Variants in RNF17 observed in about 807,000 individuals in gnomAD.
RNF17 encodes spermatogenesis associated 23.
In RNF17, 31 loss-of-function variants were observed where a neutral mutation model predicts 200.5. The ratio of observed to expected loss-of-function variants is 0.15; its 90% CI spans 0.12 to 0.21. The LOEUF (loss-of-function observed/expected upper bound fraction) is 0.21, where lower values mean the gene tolerates loss of function less well. Among genes scored for constraint, RNF17 ranks in the 10% least tolerant of loss-of-function variants. RNF17 has a pLI of 1.00. For missense variants in RNF17, 1,628 were observed against 1,905.1 expected, an observed-to-expected ratio of 0.85 and a Z score of 2.71; for synonymous variants, 606 against 637.8, an observed-to-expected ratio of 0.95 and a Z score of 0.75.
rs921994426 is a variant in RNF17, at chr13:24,853,801, C to T, written c.3321-54C>T. Reference sequence around the variant, plus strand: ...GAATGATTCTTTTTATGTTGTTTTACCCAGAATTTTATATTTGCTTATGTT... The same window carrying T: ...GAATGATTCTTTTTATGTTGTTTTATCCAGAATTTTATATTTGCTTATGTT... On this transcript the variant is annotated intron_variant, in intron 24 of 35. Transcript: ENST00000255324. The T allele has an allele frequency of 1.8e-5, 24 of 1,332,730 alleles. 1 individual carries two copies. The highest frequency in any genetic ancestry group is 2.2e-5 in the Non-Finnish European group (22 of 985,930). The allele number at this position is 1,332,730 out of a possible 1,614,324, so 82.6% of individuals were successfully genotyped here. A position where few individuals can be genotyped will look rare whatever the true frequency, so the allele number is the denominator to read the frequency against.
At chr13:24,883,283 G>C, downstream of RNF17, 2 of 1,613,826 alleles carry the variant, frequency 1.2e-6, no homozygotes, top group Non-Finnish European at 1.7e-6. Context: ...GGTTTTAACA[G>C]TGCCATCTGG....
intron 20 of RNF17, 60 bp from the exon 21 acceptor site, chr13:24,844,590 CAT>C (rs1252463175): frequency 5.3e-6 from 7 of 1,320,252 alleles, no homozygotes; most frequent in South Asian, 2.8e-5. Context: ...TTGTAGGAAA[CAT>C]GTAGCCAGAG....
At chr13:24,887,761 G>A in the RNF17 span, among the ~76,000 whole-genome samples, 1 of 152,168 alleles carries the variant, frequency 6.6e-6, no homozygotes, top group Non-Finnish European at 1.5e-5. Context: ...TGGAAAAATT[G>A]TCTTCCACAA....
At chr13:24,866,606 C>A (rs149673960) in intron 30 of RNF17, among the ~76,000 whole-genome samples, 140 of 152,276 alleles carry the variant, frequency 9.2e-4, no homozygotes, top group Non-Finnish European at 1.6e-3. Flanking sequence ...TATATCAGTG[C>A]TTCACTTCTT....
intron 2 of RNF17, among the ~76,000 whole-genome samples, chr13:24,773,581 T>G (rs1230776154): frequency 1.3e-5 from 2 of 152,106 alleles, no homozygotes; most frequent in East Asian, 3.9e-4. Flanking sequence ...CAGAAGAACT[T>G]TCTGTTGGGT....
At chr13:24,848,911 G>T (rs1226751924) in intron 22 of RNF17, among the ~76,000 whole-genome samples, 2 of 152,144 alleles carry the variant, frequency 1.3e-5, no homozygotes, top group Non-Finnish European at 2.9e-5. Flanking sequence ...TAGCACATAA[G>T]AACTCTCTCT....
intron 9 of RNF17, 146 bp from the exon 10 acceptor site, chr13:24,792,896 A>C (rs1352143931): frequency 1.8e-6 from 1 of 569,026 alleles, no homozygotes; most frequent in Non-Finnish European, 3.0e-6. Flanking sequence ...AGAATGGATA[A>C]ATAACTGGCA....
intron 19 of RNF17, among the ~76,000 whole-genome samples, chr13:24,842,879 C>T (rs144394062): frequency 0.017 from 2,612 of 151,744 alleles, 76 homozygotes; most frequent in African/African-American, 0.06. Flanking sequence ...CCCAGCTACT[C>T]GGGAGGCTGA....
intron 25 of RNF17, among the ~76,000 whole-genome samples, chr13:24,855,108 A>G (rs1892327817): frequency 6.6e-6 from 1 of 152,038 alleles, no homozygotes; most frequent in Non-Finnish European, 1.5e-5. Context: ...TTTTCATCAA[A>G]CTGTTCGAGA....
At chr13:24,876,311 C>CT (rs1288370679) in intron 33 of RNF17, among the ~76,000 whole-genome samples, 1 of 152,170 alleles carries the variant, frequency 6.6e-6, no homozygotes, top group African/African-American at 2.4e-5. Flanking sequence ...TATACTACAT[C>CT]TTATTTATCC....
rs138319594 is a variant in RNF17 at position 24,799,683 on chromosome 13, T to C, written c.1589+99T>C. 5 of 701,030 alleles carry C rather than the reference T, an allele frequency of 7.1e-6. No individual in the cohort carries two copies. In the African/African-American group the frequency reaches 7.2e-5, roughly 10 times the overall value. 43.4% of individuals were successfully genotyped at this position (701,030 alleles called of 1,614,324 possible). On this transcript the variant is annotated intron_variant, in intron 12 of 35. Transcript: ENST00000255324. ...GGAAATTAGAGGTAGAGAGGAGTAA[T>C]TTGTCATTCTTAACTTCCAAGACAT...
chr13:24,759,097 A>AC, the RNF17 span, among the ~76,000 whole-genome samples: 2 of 151,400 alleles, frequency 1.3e-5, no homozygotes, highest in African/African-American at 4.9e-5. Flanking sequence ...AAAAAAAAAA[A>AC]AAAAAACAAC....
rs568606447 is a variant in RNF17, at chr13:24,766,249, A to G, written c.131-1023A>G. On this transcript the variant is annotated intron_variant, in intron 1 of 35. Coordinates refer to ENST00000255324, the MANE Select transcript of RNF17 (RefSeq NM_031277.3). ...ATAAATAAATAAAATTAATGCGATT[A>G]TAATTCAGCAAGAACTCTATAATTA... Among the ~76,000 whole-genome samples, 8 of 152,390 alleles carry G rather than the reference A, an allele frequency of 5.2e-5. No individual in the cohort carries two copies. The South Asian group carries it at 1.7e-3, about 32-fold the overall frequency.
At chr13:24,854,910 C>T (rs908751329) in intron 25 of RNF17, among the ~76,000 whole-genome samples, 3 of 152,170 alleles carry the variant, frequency 2.0e-5, no homozygotes, top group African/African-American at 4.8e-5. Context: ...GAAGCAGCAT[C>T]GCCAGAACCT....
At chr13:24,805,890 TC>T (rs1885789715) in intron 15 of RNF17, among the ~76,000 whole-genome samples, 2 of 152,112 alleles carry the variant, frequency 1.3e-5, no homozygotes, top group Non-Finnish European at 2.9e-5. Context: ...TAAATAACAT[TC>T]TTTTTTTTAT....
intron 3 of RNF17, 90 bp from the exon 4 acceptor site, chr13:24,778,205 T>C: frequency 1.2e-6 from 1 of 806,190 alleles, no homozygotes; most frequent in Non-Finnish European, 2.0e-6. Context: ...GAGGCTGCCA[T>C]GAGCCATGAT....
chr13:24,789,785 A>G lies in RNF17; in HGVS notation c.935+13A>G, dbSNP rs1237077304. The G allele has an allele frequency of 1.4e-6, 2 of 1,432,420 alleles. No homozygotes were observed. The highest frequency in any genetic ancestry group is 2.8e-5 in the African/African-American group (2 of 71,402). The allele number at this position is 1,432,420 out of a possible 1,614,324, so 88.7% of individuals were successfully genotyped here. Reference sequence around the variant, plus strand: ...GGGACTCAACAAAGTAAGTATTTATAAGCATGGTAACATGCCATTAGTGTC... The same window carrying G: ...GGGACTCAACAAAGTAAGTATTTATGAGCATGGTAACATGCCATTAGTGTC... On this transcript the variant is annotated intron_variant, in intron 9 of 35. Coordinates refer to ENST00000255324, the MANE Select transcript of RNF17 (RefSeq NM_031277.3).
chr13:24,771,696 C>A (rs1880729144), intron 2 of RNF17, among the ~76,000 whole-genome samples: 2 of 144,418 alleles, frequency 1.4e-5, no homozygotes, highest in Non-Finnish European at 3.0e-5. Context: ...ATATATATAT[C>A]TTCAATACTT....
In RNF17 at chr13:24,843,864, G is replaced by C. The variant is rs761607084; in HGVS notation, c.2724G>C (p.Glu908Asp). The C allele has an allele frequency of 6.2e-7, 1 of 1,603,958 alleles. No individual in the cohort carries two copies. The highest frequency in any genetic ancestry group is 8.5e-7 in the Non-Finnish European group (1 of 1,171,870). Residue 908 changes from glutamate to aspartate, a missense_variant, in exon 20 of 36, where the codon GAG becomes GAC. Transcript: ENST00000255324. ...TGTCTGCAAAATCTCTACCTAATGA[G>C]AATTTTCAGTCACTTTATAATAAGG... ...NPVSAKSLPNENFQSLYNKEL... is the reference protein window; with the variant it reads ...NPVSAKSLPNDNFQSLYNKEL...
Sources: allele counts gnomAD v4.1 joint callset (sites outside exome capture counted in the v4.1 genomes callset), GRCh38; gene constraint gnomAD v4.1.1; transcripts MANE v1.5; gene names NCBI Gene and HGNC (gene_info 2026-07-23, HGNC 2026-07-21).